ARSG: variants seen among roughly 807,000 people sequenced by gnomAD.
ARSG encodes the protein arylsulfatase G.
A neutral mutation model predicts 50.5 loss-of-function variants in ARSG; 37 were observed. The observed-to-expected ratio is 0.73, with a 90% CI of 0.56 to 0.96. The LOEUF is 0.96. ARSG is among the 50% of genes least tolerant of loss of function. The pLI is 0.00. For synonymous variants in ARSG, 225 were observed against 254.6 expected, an observed-to-expected ratio of 0.88 and a Z score of 1.11; for missense variants, 629 against 675.3, an observed-to-expected ratio of 0.93 and a Z score of 0.76.
At chr17:68,397,947 A>G (rs2081315518) in intron 10 of ARSG, among the ~76,000 whole-genome samples, 1 of 152,060 alleles carries the variant, frequency 6.6e-6, no homozygotes, top group South Asian at 2.1e-4. Flanking sequence ...TTGTATTTTT[A>G]GTAGAGACAG....
In ARSG at chr17:68,291,540, C is replaced by T. The variant is rs1390949244; in HGVS notation, c.-580C>T. 2.7e-5 allele frequency: 4 copies of T among 150,702 alleles called. No homozygotes were observed. Among genetic ancestry groups the T allele is most frequent in the Non-Finnish European group, 5.9e-5 (4 of 67,566 alleles). 9.3% of individuals were successfully genotyped at this position (150,702 alleles called of 1,614,324 possible). A position where few individuals can be genotyped will look rare whatever the true frequency, so the allele number is the denominator to read the frequency against. ...GCCGCGCCGGTCGCGCGCCCGCCAGCCTGCCGCCTGGGCTGGGGGTCACGA... is the reference window on the plus strand; with the variant it reads ...GCCGCGCCGGTCGCGCGCCCGCCAGTCTGCCGCCTGGGCTGGGGGTCACGA... On this transcript the variant is annotated 5_prime_UTR_variant, in exon 1 of 12. Transcript: ENST00000621439.
chr17:68,357,197 TG>T (rs2079071844), intron 6 of ARSG, among the ~76,000 whole-genome samples: 1 of 152,220 alleles, frequency 6.6e-6, no homozygotes, highest in South Asian at 2.1e-4. Flanking sequence ...CCATTGCTGC[TG>T]TAACAACCAA....
At chr17:68,266,657 CAAA>C (rs1555746522) in intron 1 of ARSG, among the ~76,000 whole-genome samples, 1 of 151,188 alleles carries the variant, frequency 6.6e-6, no homozygotes, top group Non-Finnish European at 1.5e-5. Flanking sequence ...TAAAAATACA[CAAA>C]ATTAGCCAGG....
chr17:68,398,132 C>T (rs557637133), intron 10 of ARSG, among the ~76,000 whole-genome samples: 4 of 152,296 alleles, frequency 2.6e-5, no homozygotes, highest in South Asian at 2.1e-4. Flanking sequence ...TGTATACATA[C>T]ATGCATACAT....
chr17:68,351,908 T>G (rs757722894), intron 5 of ARSG, among the ~76,000 whole-genome samples: 2 of 152,142 alleles, frequency 1.3e-5, no homozygotes, highest in African/African-American at 4.8e-5. Flanking sequence ...TTTTTACAGG[T>G]TCCTCAGACT....
intron 2 of ARSG, among the ~76,000 whole-genome samples, chr17:68,315,080 G>A (rs902020262): frequency 7.9e-5 from 12 of 152,206 alleles, no homozygotes; most frequent in Non-Finnish European, 1.5e-4. Flanking sequence ...TTATATCTCA[G>A]ATGAGGAAAT....
the ARSG span, among the ~76,000 whole-genome samples, chr17:68,448,995 A>C: frequency 6.6e-6 from 1 of 152,200 alleles, no homozygotes; most frequent in African/African-American, 2.4e-5. Context: ...GGTGGACTTA[A>C]GTGGATTTTC....
chr17:68,293,025 G>T (rs782334396), intron 1 of ARSG, among the ~76,000 whole-genome samples: 3 of 152,182 alleles, frequency 2.0e-5, no homozygotes, highest in Non-Finnish European at 4.4e-5. Context: ...GTACCCATTA[G>T]CTCTTGCTGC....
rs545032320 is a variant in ARSG, at chr17:68,363,544, C to T, written c.705-5004C>T. Among the ~76,000 whole-genome samples, 18 of 152,130 alleles carry T rather than the reference C, an allele frequency of 1.2e-4. No individual in the cohort carries two copies. The South Asian group carries it at 1.9e-3, about 16-fold the overall frequency. On this transcript the variant is annotated intron_variant, in intron 6 of 11. Transcript: ENST00000621439. ...GTGCAATGGCGCGATCTCGGCTCAC[C>T]GCAACCTCTGCCTCCCAGGTTCAAG...
intron 9 of ARSG, among the ~76,000 whole-genome samples, chr17:68,391,378 T>C (rs529768417): frequency 1.4e-4 from 22 of 152,104 alleles, no homozygotes; most frequent in Non-Finnish European, 3.1e-4. Flanking sequence ...TGTTGAAGCT[T>C]TTCTCATGGG....
At chr17:68,375,700 G>C (rs1208754148) in intron 8 of ARSG, among the ~76,000 whole-genome samples, 3 of 152,154 alleles carry the variant, frequency 2.0e-5, no homozygotes, top group Admixed American at 6.5e-5. Context: ...GAATGAGTAG[G>C]AGACAGCCAG....
In ARSG at chr17:68,291,579, C is replaced by G. The variant is rs1340791321; in HGVS notation, c.-552+11C>G. 3 of 151,136 alleles carry G rather than the reference C, an allele frequency of 2.0e-5. No homozygotes were observed. The highest frequency in any genetic ancestry group is 4.4e-5 in the Non-Finnish European group (3 of 67,682). 9.4% of individuals were successfully genotyped at this position (151,136 alleles called of 1,614,324 possible). A position where few individuals can be genotyped will look rare whatever the true frequency, so the allele number is the denominator to read the frequency against. ...TGGGGGTCACGAAAGGTAACCGCGT[C>G]GCGGTCCGGGGCCGGGCCGCCCCCG... On this transcript the variant is annotated intron_variant, in intron 1 of 11. Coordinates refer to ENST00000621439, the MANE Select transcript of ARSG (RefSeq NM_001267727.2).
chr17:68,289,391 G>C (rs1382284688), upstream of ARSG, among the ~76,000 whole-genome samples: 1 of 152,098 alleles, frequency 6.6e-6, no homozygotes, highest in Non-Finnish European at 1.5e-5. Context: ...GATTTGGCCC[G>C]AGGGCATGAA....
chr17:68,275,879 A>AG (rs1414462780), intron 1 of ARSG, among the ~76,000 whole-genome samples: 2 of 151,570 alleles, frequency 1.3e-5, no homozygotes, highest in African/African-American at 4.8e-5. Context: ...GCTACTCGGG[A>AG]GGCTAAGGCA....
At chr17:68,346,382 G>C (rs2078504125) in intron 3 of ARSG, among the ~76,000 whole-genome samples, 1 of 152,130 alleles carries the variant, frequency 6.6e-6, no homozygotes, top group African/African-American at 2.4e-5. Flanking sequence ...ACATACTCCT[G>C]TGGTTGCCCG....
At chr17:68,272,912 G>C in intron 1 of ARSG, 1 of 944,880 alleles carries the variant, frequency 1.1e-6, no homozygotes, top group Non-Finnish European at 1.6e-6. Flanking sequence ...CAAAGGTGAT[G>C]TTGCAAAGAA....
intron 9 of ARSG, among the ~76,000 whole-genome samples, chr17:68,388,610 A>G (rs2080837754): frequency 6.6e-6 from 1 of 152,188 alleles, no homozygotes; most frequent in Non-Finnish European, 1.5e-5. Context: ...AATGGCAAAA[A>G]GGACTTGAAA....
intron 1 of ARSG, chr17:68,273,971 GAGA>G (rs1555750015): frequency 1.2e-6 from 2 of 1,614,060 alleles, no homozygotes; most frequent in Non-Finnish European, 1.7e-6. Flanking sequence ...AACCTCTTGT[GAGA>G]AGGAGGCGGC....
At chr17:68,280,179 C>CA (rs58937538) in intron 1 of ARSG, among the ~76,000 whole-genome samples, 20,117 of 87,112 alleles carry the variant, frequency 0.23, 2,249 homozygotes, top group Middle Eastern at 0.27. Context: ...AACTCTGTCT[C>CA]AAAAAAAAAA....
Sources: gnomAD v4.1 joint callset for allele counts (sites outside exome capture counted in the v4.1 genomes callset) on GRCh38, gnomAD v4.1.1 for gene constraint, MANE v1.5 for transcripts, NCBI Gene and HGNC (gene_info 2026-07-23, HGNC 2026-07-21) for gene names.